Variants in CCDC148 observed in about 807,000 individuals in gnomAD.
The protein encoded by CCDC148 is coiled-coil domain-containing protein 148.
A neutral mutation model predicts 85.7 loss-of-function variants in CCDC148; 89 were observed. That is an observed-to-expected ratio of 1.04 (90% CI 0.87 to 1.24). The LOEUF (loss-of-function observed/expected upper bound fraction) is 1.24, where lower values mean the gene tolerates loss of function less well. CCDC148 is among the 50% of genes most tolerant of loss of function. The pLI is 0.00. For missense variants in CCDC148, 692 were observed against 671.7 expected, an observed-to-expected ratio of 1.03 and a Z score of -0.33; for synonymous variants, 230 against 213.9, an observed-to-expected ratio of 1.08 and a Z score of -0.66.
chr2:158,369,133 T>C (rs890352270), intron 1 of CCDC148, among the ~76,000 whole-genome samples: 1 of 151,928 alleles, frequency 6.6e-6, no homozygotes, highest in Non-Finnish European at 1.5e-5. Context: ...TATGTAGAAA[T>C]AGTATTGTTT....
rs1207244655 is a variant in CCDC148, at chr2:158,198,560, A to G, written c.1371-19564T>C. On this transcript the variant is annotated intron_variant, in intron 11 of 13. Coordinates refer to ENST00000283233, the MANE Select transcript of CCDC148 (RefSeq NM_138803.4). ...AAATGCGAATTCATGATGATTTTAC[A>G]CACACGTCATTTCATGCCTTTGTTT... Among the ~76,000 whole-genome samples, 10 of 152,262 alleles carry G rather than the reference A, an allele frequency of 6.6e-5. No individual in the cohort carries two copies. In the East Asian group the frequency reaches 1.9e-3, roughly 29 times the overall value.
intron 9 of CCDC148, among the ~76,000 whole-genome samples, chr2:158,262,501 G>T (rs1406306739): frequency 2.6e-5 from 4 of 151,874 alleles, no homozygotes; most frequent in Non-Finnish European, 4.4e-5. Flanking sequence ...ATGTACCCCT[G>T]TATTAGTCTG....
chr2:158,303,533 G>A (rs531808193), intron 9 of CCDC148, among the ~76,000 whole-genome samples: 1 of 152,294 alleles, frequency 6.6e-6, no homozygotes, highest in East Asian at 1.9e-4. Flanking sequence ...AGTGACTGAA[G>A]AATTTATAGA....
chr2:158,259,736 T>C (rs1689145446), intron 9 of CCDC148, among the ~76,000 whole-genome samples: 1 of 151,950 alleles, frequency 6.6e-6, no homozygotes, highest in Middle Eastern at 3.2e-3. Flanking sequence ...TCAAGGTGTA[T>C]TTGGATGTGA....
At chr2:158,260,343 G>T (rs1048213421) in intron 9 of CCDC148, among the ~76,000 whole-genome samples, 4 of 151,924 alleles carry the variant, frequency 2.6e-5, no homozygotes, top group Non-Finnish European at 5.9e-5. Context: ...AATAAACTAG[G>T]TATTGAATGA....
At chr2:158,359,514 G>GAC (rs1683832105) in intron 1 of CCDC148, among the ~76,000 whole-genome samples, 2 of 152,128 alleles carry the variant, frequency 1.3e-5, no homozygotes, top group African/African-American at 2.4e-5. Flanking sequence ...TTAGACAGTG[G>GAC]GTGCAGCCCA....
At chr2:158,266,913 CAT>C (rs201650053) in intron 9 of CCDC148, among the ~76,000 whole-genome samples, 7,589 of 137,798 alleles carry the variant, frequency 0.055, 418 homozygotes, top group African/African-American at 0.14. Flanking sequence ...TATACACACA[CAT>C]ATATACATAT....
At chr2:158,289,103 C>A (rs1380298966) in intron 9 of CCDC148, among the ~76,000 whole-genome samples, 2 of 152,152 alleles carry the variant, frequency 1.3e-5, no homozygotes, top group Admixed American at 6.5e-5. Context: ...CTGAGAGATA[C>A]AATTCAACTT....
At chr2:158,199,240 A>T (rs1020603768) in intron 11 of CCDC148, among the ~76,000 whole-genome samples, 11 of 151,948 alleles carry the variant, frequency 7.2e-5, no homozygotes, top group East Asian at 3.9e-4. Context: ...TTTAAATTTT[A>T]ATTTTTATTT....
intron 7 of CCDC148, among the ~76,000 whole-genome samples, chr2:158,336,662 A>T (rs1200610555): frequency 6.6e-6 from 1 of 152,170 alleles, no homozygotes; most frequent in South Asian, 2.1e-4. Flanking sequence ...ATTAAACTAG[A>T]ATTTATGAAC....
At chr2:158,219,646 T>C (rs950412027) in intron 11 of CCDC148, among the ~76,000 whole-genome samples, 1 of 152,224 alleles carries the variant, frequency 6.6e-6, no homozygotes, top group African/African-American at 2.4e-5. Context: ...CAGATTTCCA[T>C]TAAGCCTTGC....
chr2:158,413,683 C>T (rs995333864), intron 1 of CCDC148, among the ~76,000 whole-genome samples: 3 of 151,580 alleles, frequency 2.0e-5, no homozygotes, highest in Admixed American at 6.6e-5. Context: ...ATATTTTCTA[C>T]TTTGCTTGTC....
rs200236898 is a variant in CCDC148 at position 158,217,446 on chromosome 2, AG to A, written c.1370+3148del. Among the ~76,000 whole-genome samples, 709 of 150,484 alleles carry A rather than the reference AG, an allele frequency of 4.7e-3. 1 individual carries two copies. Among genetic ancestry groups the A allele is most frequent in the African/African-American group, 0.016 (644 of 41,076 alleles). On this transcript the variant is annotated intron_variant, in intron 11 of 13. Transcript: ENST00000283233. ...GAGATGGCGTCTCGCTCTGTTGCCC[AG>A]GCTGGAGTGCGGTAGCACGATCTCA...
chr2:158,286,171 G>GT (rs1690614892), intron 9 of CCDC148, among the ~76,000 whole-genome samples: 2 of 151,850 alleles, frequency 1.3e-5, no homozygotes, highest in South Asian at 4.2e-4. Flanking sequence ...ATAAGACACA[G>GT]TTTTTTTAAA....
At chr2:158,433,407 A>G (rs1374197941) in intron 1 of CCDC148, among the ~76,000 whole-genome samples, 2 of 151,998 alleles carry the variant, frequency 1.3e-5, no homozygotes, top group African/African-American at 4.8e-5. Flanking sequence ...TATGATACAT[A>G]TATCTGACAA....
intron 10 of CCDC148, among the ~76,000 whole-genome samples, chr2:158,240,319 C>T (rs141493049): frequency 1.1e-3 from 161 of 151,974 alleles, no homozygotes; most frequent in African/African-American, 3.7e-3. Context: ...TGAGTCCTGC[C>T]ATGGGATTTT....
chr2:158,373,377 A>G (rs553785666), intron 1 of CCDC148, among the ~76,000 whole-genome samples: 2 of 152,136 alleles, frequency 1.3e-5, no homozygotes, highest in East Asian at 3.9e-4. Context: ...TTAAGTCACT[A>G]AGGTTGTGGT....
At chr2:158,308,614 C>T (rs964201044) in intron 9 of CCDC148, among the ~76,000 whole-genome samples, 3 of 152,170 alleles carry the variant, frequency 2.0e-5, no homozygotes, top group Non-Finnish European at 2.9e-5. Context: ...CCATCATCTT[C>T]CTACCATATC....
chr2:158,339,213 A>G, intron 5 of CCDC148, 128 bp from the exon 6 acceptor site: 1 of 708,610 alleles, frequency 1.4e-6, no homozygotes. Flanking sequence ...GAAGAGAGTT[A>G]AAGAGATGCC....
Sources: allele counts gnomAD v4.1 joint callset (sites outside exome capture counted in the v4.1 genomes callset), GRCh38; gene constraint gnomAD v4.1.1; transcripts MANE v1.5; gene names NCBI Gene and HGNC (gene_info 2026-07-23, HGNC 2026-07-21).